SAE1: variants seen among roughly 807,000 people sequenced by gnomAD.
The protein encoded by SAE1 is SUMO1 activating enzyme subunit 1, also known as SUMO-activating enzyme subunit 1.
SAE1 carries 11 observed loss-of-function variants against 40.6 expected under a neutral mutation model. The ratio of observed to expected loss-of-function variants is 0.27; its 90% CI spans 0.17 to 0.45. SAE1 has a LOEUF of 0.45. Ranked by LOEUF, SAE1 falls within the 20% of genes least tolerant of loss-of-function variation. The pLI is 1.00. For synonymous variants in SAE1, 155 were observed against 154.3 expected (o/e 1.00, Z -0.03); for missense variants, 373 against 427.3 (o/e 0.87, Z 1.12).
At chr19:47,148,092 TTA>T (rs748470739) in intron 2 of SAE1, among the ~76,000 whole-genome samples, 2 of 152,026 alleles carry the variant, frequency 1.3e-5, no homozygotes, top group Non-Finnish European at 2.9e-5. Flanking sequence ...TGTCCTCGTT[TTA>T]TATGGGATTC....
In SAE1 at chr19:47,152,206, G is replaced by T. The variant is rs531142121; in HGVS notation, c.385-692G>T. On this transcript the variant is annotated intron_variant, in intron 3 of 8. Coordinates refer to ENST00000270225, the MANE Select transcript of SAE1 (RefSeq NM_005500.3). ...TTCTCCCGAAAAGATGGTATTTTGTGCAGTAGAACTTAGCCATTTCCAATA... is the reference window on the plus strand; with the variant it reads ...TTCTCCCGAAAAGATGGTATTTTGTTCAGTAGAACTTAGCCATTTCCAATA... 3.9e-5 allele frequency among the ~76,000 whole-genome samples: 6 copies of T among 152,318 alleles called. No homozygotes were observed. The East Asian group carries it at 1.2e-3, about 29-fold the overall frequency.
At chr19:47,161,651 G>A (rs1300029556) in intron 5 of SAE1, among the ~76,000 whole-genome samples, 2 of 151,952 alleles carry the variant, frequency 1.3e-5, no homozygotes, top group African/African-American at 4.8e-5. Context: ...GAATGATTTC[G>A]CTCACCATCA....
intron 5 of SAE1, among the ~76,000 whole-genome samples, chr19:47,164,486 T>G (rs2058378137): frequency 6.6e-6 from 1 of 151,832 alleles, no homozygotes; most frequent in African/African-American, 2.4e-5. Context: ...TGATTTTAAA[T>G]GTCTGTGTCA....
rs2058305342 is a variant in SAE1, at chr19:47,154,120, T to C, written c.528-994T>C. ...TATTATTATTTTTGAGACGGAGTTT[T>C]GCTTTTGTCACCCAGGCTGGAGTGC... On this transcript the variant is annotated intron_variant, in intron 4 of 8. Coordinates refer to ENST00000270225, the MANE Select transcript of SAE1 (RefSeq NM_005500.3). Among the ~76,000 whole-genome samples the C allele has an allele frequency of 3.3e-5, 5 of 151,910 alleles. No individual in the cohort carries two copies. The South Asian group carries it at 1.0e-3, about 32-fold the overall frequency.
chr19:47,175,107 A>ATTTTTTTTTTTTT (rs916783073), intron 6 of SAE1, among the ~76,000 whole-genome samples: 6 of 91,706 alleles, frequency 6.5e-5, no homozygotes, highest in Non-Finnish European at 8.1e-5. Context: ...AGTGGCCTTG[A>ATTTTTTTTTTTTT]TTTTTTTTTT....
At chr19:47,133,328 C>G (rs970133652) in intron 1 of SAE1, among the ~76,000 whole-genome samples, 3 of 152,214 alleles carry the variant, frequency 2.0e-5, no homozygotes, top group African/African-American at 7.2e-5. Context: ...CAGGTTCAAG[C>G]GATTCTCCTG....
At chr19:47,160,048 A>G (rs1023946153) in intron 5 of SAE1, among the ~76,000 whole-genome samples, 2 of 152,152 alleles carry the variant, frequency 1.3e-5, no homozygotes, top group African/African-American at 4.8e-5. Flanking sequence ...TACCAATGAA[A>G]TGAATTAACC....
rs1002170734 is a variant in SAE1 at position 47,202,168 on chromosome 19, C to T, written c.879-1503C>T. 1.4e-4 allele frequency among the ~76,000 whole-genome samples: 21 copies of T among 152,200 alleles called. 1 individual carries two copies. In the East Asian group the frequency reaches 1.9e-3, roughly 14 times the overall value. ...AGAAATTTGTCTTAAGGAATTATTTCGACGCCTGTGTCTTTGTCAAGATGT... is the reference window on the plus strand; with the variant it reads ...AGAAATTTGTCTTAAGGAATTATTTTGACGCCTGTGTCTTTGTCAAGATGT... On this transcript the variant is annotated intron_variant, in intron 7 of 8. Coordinates refer to ENST00000270225, the MANE Select transcript of SAE1 (RefSeq NM_005500.3).
Position 47,209,307 on chromosome 19 carries a change from C to G in SAE1, c.*56C>G. On this transcript the variant is annotated 3_prime_UTR_variant, in exon 9 of 9. Transcript: ENST00000270225. ...ACTGCAGCATGCCCACCTGTATTCC[C>G]TGTCCCCTTCCTTCATGAAGGCATC... The G allele has an allele frequency of 6.2e-7, 1 of 1,612,938 alleles. No homozygotes were observed. Among genetic ancestry groups the G allele is most frequent in the Non-Finnish European group, 8.5e-7 (1 of 1,179,372 alleles).
intron 7 of SAE1, among the ~76,000 whole-genome samples, chr19:47,200,075 C>T (rs542165846): frequency 3.9e-5 from 6 of 152,030 alleles, no homozygotes; most frequent in South Asian, 2.1e-4. Context: ...GGATAACAGG[C>T]GCCCGCCACC....
At chr19:47,172,792 A>C (rs1303973497) in intron 6 of SAE1, among the ~76,000 whole-genome samples, 1 of 151,984 alleles carries the variant, frequency 6.6e-6, no homozygotes, top group African/African-American at 2.4e-5. Flanking sequence ...GAAAAGAAAA[A>C]AAGCACATAT....
intron 7 of SAE1, among the ~76,000 whole-genome samples, chr19:47,199,390 CAAAAAAAAAAA>C (rs35275499): frequency 5.7e-4 from 32 of 56,302 alleles, no homozygotes; most frequent in African/African-American, 2.0e-3. Flanking sequence ...GACTCCTTCT[CAAAAAAAAAAA>C]AAAAAAAAAA....
At chr19:47,168,118 A>G (rs2058406055) in intron 5 of SAE1, among the ~76,000 whole-genome samples, 1 of 152,166 alleles carries the variant, frequency 6.6e-6, no homozygotes, top group Non-Finnish European at 1.5e-5. Flanking sequence ...GCTTGAACCC[A>G]GGACACGGAG....
intron 6 of SAE1, among the ~76,000 whole-genome samples, chr19:47,196,651 C>T (rs1339248598): frequency 6.6e-6 from 1 of 151,632 alleles, no homozygotes; most frequent in East Asian, 2.0e-4. Context: ...TGTGAGCCAC[C>T]GCACCCGGCT....
intron 6 of SAE1, chr19:47,180,452 G>A (rs2058498782): frequency 1.7e-5 from 6 of 358,494 alleles, no homozygotes; most frequent in Middle Eastern, 4.5e-4. Flanking sequence ...CACCATAGTA[G>A]TAACAATTGT....
At chr19:47,180,363 G>A (rs1162903638) in intron 6 of SAE1, 5 of 415,484 alleles carry the variant, frequency 1.2e-5, no homozygotes, top group Non-Finnish European at 2.4e-5. Flanking sequence ...AATGATAGGG[G>A]CATGTCAAAA....
chr19:47,151,551 A>G (rs1002429571), intron 3 of SAE1, among the ~76,000 whole-genome samples: 5 of 151,956 alleles, frequency 3.3e-5, no homozygotes, highest in Admixed American at 2.6e-4. Context: ...GGCTCACTGC[A>G]ACCTCCGCCT....
At chr19:47,193,537 A>G (rs2123302743) in intron 6 of SAE1, among the ~76,000 whole-genome samples, 1 of 151,170 alleles carries the variant, frequency 6.6e-6, no homozygotes, top group South Asian at 2.1e-4. Flanking sequence ...TAAAGAAATT[A>G]CCAGCTGGGT....
At chr19:47,136,335 G>C (rs1203898048) in intron 1 of SAE1, among the ~76,000 whole-genome samples, 1 of 150,614 alleles carries the variant, frequency 6.6e-6, no homozygotes, top group African/African-American at 2.4e-5. Flanking sequence ...AGATGGGGTT[G>C]CTGTGTTGGC....
Sources: gnomAD v4.1 joint callset for allele counts (sites outside exome capture counted in the v4.1 genomes callset) on GRCh38, gnomAD v4.1.1 for gene constraint, MANE v1.5 for transcripts, NCBI Gene and HGNC (gene_info 2026-07-23, HGNC 2026-07-21) for gene names.